The following PTPRN2 variants were observed in gnomAD, a reference collection of about 807,000 sequenced individuals.
PTPRN2 encodes the protein protein tyrosine phosphatase receptor type N2, also known as receptor-type tyrosine-protein phosphatase N2.
A neutral mutation model predicts 118.8 loss-of-function variants in PTPRN2; 74 were observed. That is an observed-to-expected ratio of 0.62 (90% CI 0.52 to 0.76). PTPRN2 has a LOEUF of 0.76. Among genes scored for constraint, PTPRN2 ranks in the 30% least tolerant of loss-of-function variants. PTPRN2 has a pLI of 0.00. For missense variants in PTPRN2, 1,481 were observed against 1,394.4 expected (o/e 1.06, Z -0.99); for synonymous variants, 641 against 608.0 (o/e 1.05, Z -0.80).
intron 2 of PTPRN2, among the ~76,000 whole-genome samples, chr7:158,400,443 C>A (rs114737845): frequency 1.3e-5 from 2 of 152,094 alleles, no homozygotes; most frequent in Non-Finnish European, 2.9e-5. Context: ...CCTGACATCA[C>A]CACAACAAAA....
intron 11 of PTPRN2, among the ~76,000 whole-genome samples, chr7:157,941,389 A>G (rs201580508): frequency 0.02 from 911 of 46,648 alleles, 305 homozygotes; most frequent in African/African-American, 0.16. Context: ...ACACCCTCTC[A>G]ATCATGACAC....
intron 2 of PTPRN2, among the ~76,000 whole-genome samples, chr7:158,454,916 C>A (rs538049673): frequency 1.1e-4 from 16 of 152,216 alleles, no homozygotes; most frequent in Admixed American, 7.2e-4. Flanking sequence ...ACAGCCTCAG[C>A]GACCCCCCGG....
chr7:158,478,478 G>C (rs1427544582), intron 2 of PTPRN2, among the ~76,000 whole-genome samples: 1 of 152,218 alleles, frequency 6.6e-6, no homozygotes, highest in Non-Finnish European at 1.5e-5. Flanking sequence ...GGCCCGCTCT[G>C]CGTCTCAAAG....
chr7:158,563,914 G>A lies in PTPRN2; in HGVS notation c.112+23644C>T, dbSNP rs1160781188. 6.6e-6 allele frequency among the ~76,000 whole-genome samples: 1 copy of A among 152,208 alleles called. No homozygotes were observed. Among genetic ancestry groups the A allele is most frequent in the Non-Finnish European group, 1.5e-5 (1 of 68,040 alleles). The stretch of plus-strand genomic sequence containing the variant: ...CACCTGGATTTGTTCTCCAGTAAGT[G>A]GTTAGAACTTGGGCTCTGATGCCAC... On this transcript the variant is annotated intron_variant, in intron 1 of 22. Transcript: ENST00000389418. This position sits in a 1 kb window ranked among gnomAD's most constrained non-coding sequence, Gnocchi z 5.1.
At position 158,554,358 on chromosome 7, in the gene PTPRN2, T is replaced by C. The variant is rs187519432; in HGVS notation, c.112+33200A>G. Among the ~76,000 whole-genome samples, 582 of 152,302 alleles carry C rather than the reference T, an allele frequency of 3.8e-3. 3 individuals carry two copies. Among genetic ancestry groups the C allele is most frequent in the African/African-American group, 0.013 (560 of 41,580 alleles). On this transcript the variant is annotated intron_variant, in intron 1 of 22. Coordinates refer to ENST00000389418, the MANE Select transcript of PTPRN2 (RefSeq NM_002847.5). ...CTTGGTCCTGAAACCAGGAGACAATTGGTTGGTTGTTTAGGGCACTGATGA... is the reference window on the plus strand; with the variant it reads ...CTTGGTCCTGAAACCAGGAGACAATCGGTTGGTTGTTTAGGGCACTGATGA...
chr7:158,007,167 A>C (rs77893112), intron 11 of PTPRN2, among the ~76,000 whole-genome samples: 1 of 152,066 alleles, frequency 6.6e-6, no homozygotes, highest in Non-Finnish European at 1.5e-5. Flanking sequence ...CATAACCTCA[A>C]TCGCCTCCTG....
chr7:157,792,925 G>A (rs1315479019), intron 12 of PTPRN2, among the ~76,000 whole-genome samples: 2 of 152,302 alleles, frequency 1.3e-5, no homozygotes, highest in East Asian at 3.9e-4. Flanking sequence ...AGGGCCGCGG[G>A]TGCCGAGTTT....
chr7:158,540,830 T>C lies in PTPRN2; in HGVS notation c.112+46728A>G, dbSNP rs146639748. 5.0e-3 allele frequency among the ~76,000 whole-genome samples: 759 copies of C among 152,330 alleles called. 4 individuals carry two copies. The highest frequency in any genetic ancestry group is 8.7e-3 in the Non-Finnish European group (590 of 68,036). ...CTCCATCGACCTGTGGGGTTAGCAC[T>C]TCGGTTTGGCTTTCTCCATTAGGTC... On this transcript the variant is annotated intron_variant, in intron 1 of 22. Coordinates refer to ENST00000389418, the MANE Select transcript of PTPRN2 (RefSeq NM_002847.5).
chr7:158,153,759 A>C (rs1821427167), intron 6 of PTPRN2, among the ~76,000 whole-genome samples: 1 of 152,156 alleles, frequency 6.6e-6, no homozygotes. Flanking sequence ...TCTGATTGAC[A>C]AATTTACAAG....
chr7:158,061,020 C>T (rs183210705), intron 11 of PTPRN2, among the ~76,000 whole-genome samples: 66 of 152,346 alleles, frequency 4.3e-4, no homozygotes, highest in African/African-American at 1.4e-3. Context: ...TGACCTTCCA[C>T]AATATGGAAT....
rs1331202386 is a variant in PTPRN2 at position 158,015,454 on chromosome 7, T to A, written c.1723+65844A>T. Among the ~76,000 whole-genome samples, 2 of 127,650 alleles carry A rather than the reference T, an allele frequency of 1.6e-5. No homozygotes were observed. Among genetic ancestry groups the A allele is most frequent in the Admixed American group, 8.7e-5 (1 of 11,460 alleles). The allele number at this position is 127,650 out of a possible 152,430, so 83.7% of individuals were successfully genotyped here. On this transcript the variant is annotated intron_variant, in intron 11 of 22. Transcript: ENST00000389418. The surrounding 1 kb of genome is among the most constrained non-coding windows in gnomAD (Gnocchi z 4.2). ...AGGGAAAAAGTGAGAGGAGGGGTGGTGAGAGAGAGAGAGAGAGGAAGAGAG... is the reference window on the plus strand; with the variant it reads ...AGGGAAAAAGTGAGAGGAGGGGTGGAGAGAGAGAGAGAGAGAGGAAGAGAG...
chr7:158,410,361 C>T (rs987919987), intron 2 of PTPRN2, among the ~76,000 whole-genome samples: 28 of 152,174 alleles, frequency 1.8e-4, no homozygotes, highest in Non-Finnish European at 1.0e-4. Context: ...CCAGAGTCAC[C>T]CTCGTCTCAT....
At chr7:158,421,350 T>TATTTTAAAG (rs1275909632) in intron 2 of PTPRN2, among the ~76,000 whole-genome samples, 3 of 152,258 alleles carry the variant, frequency 2.0e-5, no homozygotes, top group Non-Finnish European at 2.9e-5. Context: ...TTTTCCTATT[T>TATTTTAAAG]ATTTTAAAGT....
Position 158,509,962 on chromosome 7 carries a change from G to A in PTPRN2, c.113-20177C>T, listed in dbSNP as rs79763049. 1.8e-3 allele frequency among the ~76,000 whole-genome samples: 272 copies of A among 152,302 alleles called. 7 individuals carry two copies. In the East Asian group the frequency reaches 0.034, roughly 19 times the overall value. On this transcript the variant is annotated intron_variant, in intron 1 of 22. Transcript: ENST00000389418. The surrounding 1 kb of genome is among the most constrained non-coding windows in gnomAD (Gnocchi z 4.4). The stretch of plus-strand genomic sequence containing the variant: ...TGAGGGGAGCACGAAGATAGAGGAC[G>A]AGACACAAGTCAAGCCTTAAAAAGC...
chr7:158,518,266 G>A (rs894563938), intron 1 of PTPRN2, among the ~76,000 whole-genome samples: 1 of 152,012 alleles, frequency 6.6e-6, no homozygotes, highest in African/African-American at 2.4e-5. Flanking sequence ...GGATTTCACA[G>A]GGTGGGAGAA....
rs1805286395 is a variant in PTPRN2 at position 157,801,327 on chromosome 7, A to G, written c.1788+97346T>C. ...GAGCAACGGCGGTGAGGCAGGATGA[A>G]CGGCCTCATCCACGGAGCACTGCTT... On this transcript the variant is annotated intron_variant, in intron 12 of 22. Transcript: ENST00000389418. The surrounding 1 kb of genome is among the most constrained non-coding windows in gnomAD (Gnocchi z 4.2). 6.6e-6 allele frequency among the ~76,000 whole-genome samples: 1 copy of G among 152,172 alleles called. No individual in the cohort carries two copies. The highest frequency in any genetic ancestry group is 2.1e-4 in the South Asian group (1 of 4,822).
chr7:158,197,240 T>C (rs1454779720), intron 4 of PTPRN2, among the ~76,000 whole-genome samples: 2 of 152,174 alleles, frequency 1.3e-5, no homozygotes, highest in Non-Finnish European at 2.9e-5. Flanking sequence ...CTAAGAACAA[T>C]TTCCACTTCT....
At chr7:158,406,456 C>A (rs996270486) in intron 2 of PTPRN2, among the ~76,000 whole-genome samples, 1 of 152,090 alleles carries the variant, frequency 6.6e-6, no homozygotes, top group Admixed American at 6.5e-5. Context: ...ACACTGAGAT[C>A]CCGGTGGCTC....
Position 158,518,106 on chromosome 7 carries a change from G to A in PTPRN2, c.113-28321C>T, listed in dbSNP as rs1239646678. Among the ~76,000 whole-genome samples, 3 of 152,206 alleles carry A rather than the reference G, an allele frequency of 2.0e-5. No homozygotes were observed. In the East Asian group the frequency reaches 5.8e-4, roughly 29 times the overall value. On this transcript the variant is annotated intron_variant, in intron 1 of 22. Coordinates refer to ENST00000389418, the MANE Select transcript of PTPRN2 (RefSeq NM_002847.5). The stretch of plus-strand genomic sequence containing the variant: ...CTTAAAAGAAAATAGACTCCAGGAG[G>A]GCAAGAGTGGGTTTATCTCAGTTAC...
Sources: allele counts gnomAD v4.1 joint callset (sites outside exome capture counted in the v4.1 genomes callset), GRCh38; gene constraint gnomAD v4.1.1; non-coding constraint Gnocchi (gnomAD v3.1); transcripts MANE v1.5; gene names NCBI Gene and HGNC (gene_info 2026-07-23, HGNC 2026-07-21).